SSC5D: variants seen among roughly 807,000 people sequenced by gnomAD.
SSC5D encodes soluble scavenger receptor cysteine-rich domain-containing protein SSC5D.
SSC5D carries 106 observed loss-of-function variants against 104.6 expected under a neutral mutation model. That is an observed-to-expected ratio of 1.01 (90% CI 0.87 to 1.19). The LOEUF (loss-of-function observed/expected upper bound fraction) is 1.19, where lower values mean the gene tolerates loss of function less well. SSC5D is among the 50% of genes most tolerant of loss of function. The pLI, the probability that SSC5D is intolerant of heterozygous loss-of-function variation, is 0.00. For missense variants in SSC5D, 1,993 were observed against 2,153.8 expected, an observed-to-expected ratio of 0.93 and a Z score of 1.48; for synonymous variants, 860 against 883.5, an observed-to-expected ratio of 0.97 and a Z score of 0.47.
At position 55,493,676 on chromosome 19, in the gene SSC5D, G is replaced by A. The variant is rs921554516; in HGVS notation, c.977G>A (p.Gly326Glu). Residue 326 changes from glycine (G) to glutamate (E), a missense_variant, in exon 7 of 14, where the codon GGG (glycine) becomes GAG (glutamate). Gly to Glu is a moderately conservative substitution (Grantham distance 98). This residue lies in a region of SSC5D where 1,101 missense variants were observed against 1,085.0 expected (regional missense o/e 1.01). Coordinates refer to ENST00000389623, the MANE Select transcript of SSC5D (RefSeq NM_001144950.2). Reference protein sequence around the residue: ...RLEVWHGGRWGSVCDDAWDLR... With the variant: ...RLEVWHGGRWESVCDDAWDLR... ...GAGGTCTGGCACGGGGGTCGCTGGG[G>A]GTCGGTGTGTGACGACGCCTGGGAC... The A allele has an allele frequency of 4.2e-5, 64 of 1,509,834 alleles. No individual in the cohort carries two copies. The highest frequency in any genetic ancestry group is 5.5e-5 in the Non-Finnish European group (63 of 1,135,666). The allele number at this position is 1,509,834 out of a possible 1,614,324, so 93.5% of individuals were successfully genotyped here.
chr19:55,498,440 CAACT>C (rs1282038368), intron 9 of SSC5D, among the ~76,000 whole-genome samples: 1 of 152,214 alleles, frequency 6.6e-6, no homozygotes, highest in African/African-American at 2.4e-5. Flanking sequence ...CACACAGCAA[CAACT>C]AACTGGCAGA....
chr19:55,495,164 A>G (rs1568476853), intron 8 of SSC5D, among the ~76,000 whole-genome samples: 1 of 139,386 alleles, frequency 7.2e-6, no homozygotes. Context: ...TTTACTTTCC[A>G]GAGTCTCTGG....
chr19:55,513,705 C>G (rs1987807791), intron 13 of SSC5D, among the ~76,000 whole-genome samples: 1 of 152,176 alleles, frequency 6.6e-6, no homozygotes. Flanking sequence ...TGAGAGGCTA[C>G]CCATTGGCAC....
rs1987070820 is a variant in SSC5D, at chr19:55,489,586, G to C, written c.285G>C (p.Gln95His). 3 of 1,523,586 alleles carry C rather than the reference G, an allele frequency of 2.0e-6. No homozygotes were observed. Among genetic ancestry groups the C allele is most frequent in the Non-Finnish European group, 1.8e-6 (2 of 1,140,410 alleles). The allele number at this position is 1,523,586 out of a possible 1,614,324, so 94.4% of individuals were successfully genotyped here. ...TGGCTTGCCGGGGCAACGAGGGGCA[G>C]CTGGGCCTCTGCCACCACCGGGGCT... is the stretch of plus-strand genomic sequence containing the variant. ...SELACRGNEG[Q>H]LGLCHHRGWK... Residue 95 changes from glutamine to histidine, a missense_variant, in exon 3 of 14, where the codon CAG becomes CAC. Coordinates refer to ENST00000389623, the MANE Select transcript of SSC5D (RefSeq NM_001144950.2).
At position 55,490,800 on chromosome 19, in the gene SSC5D, C is replaced by T. The variant is rs760822047; in HGVS notation, c.615C>T (p.His205=). The change falls in exon 6 of 14, where the codon CAC becomes CAT. Residue 205 remains histidine, a synonymous_variant. Coordinates refer to ENST00000389623, the MANE Select transcript of SSC5D (RefSeq NM_001144950.2). ...QERLRLVSGP[H]RCAGRLEVWH... ...GGCTGCGCCTGGTCTCTGGCCCCCA[C>T]AGGTGCGCCGGACGCCTGGAGGTCT... The T allele has an allele frequency of 3.4e-5, 52 of 1,544,158 alleles. No individual in the cohort carries two copies. In the African/African-American group the frequency reaches 4.5e-4, roughly 13 times the overall value.
At chr19:55,506,887 C>G (rs1428315484) in intron 12 of SSC5D, among the ~76,000 whole-genome samples, 4 of 151,964 alleles carry the variant, frequency 2.6e-5, no homozygotes, top group Admixed American at 2.6e-4. Context: ...AATAGGATGG[C>G]CAGGTGTGGT....
At position 55,517,439 on chromosome 19, in the gene SSC5D, G is replaced by A. The variant is rs1345595593; in HGVS notation, c.3163G>A (p.Ala1055Thr). The A allele has an allele frequency of 3.9e-6, 6 of 1,550,774 alleles. No homozygotes were observed. The African/African-American group carries it at 5.5e-5, about 14-fold the overall frequency. ...PDTSPPTPDP[A>T]SRTNPDLILT... ...CACTTCACCACCCACCCCAGACCCG[G>A]CCTCCCGGACGAACCCCGACCTCAT... The change falls in exon 14 of 14, where the codon GCC becomes ACC. Residue 1055 changes from alanine (A) to threonine (T), a missense_variant. By Grantham distance (58) the Ala-to-Thr change is moderately conservative (BLOSUM62 0). Transcript: ENST00000389623.
chr19:55,513,243 T>A, intron 13 of SSC5D, 71 bp downstream of exon 13: 1 of 1,366,272 alleles, frequency 7.3e-7, no homozygotes. Flanking sequence ...GATTCCAGAC[T>A]CCCCACTGGA....
chr19:55,502,496 C>A (rs950646829), intron 12 of SSC5D, among the ~76,000 whole-genome samples: 5 of 151,838 alleles, frequency 3.3e-5, no homozygotes, highest in Admixed American at 1.3e-4. Flanking sequence ...TCTCCCTTGT[C>A]CTTCTGTCTT....
At chr19:55,493,493 C>A in intron 6 of SSC5D, 102 bp from the exon 7 acceptor site, 1 of 1,052,340 alleles carries the variant, frequency 9.5e-7, no homozygotes, top group Non-Finnish European at 1.3e-6. Flanking sequence ...GGAATATTTG[C>A]TTCCCAGAGT....
At chr19:55,493,941 G>A (rs1987232504) in intron 7 of SSC5D, 29 bp downstream of exon 7, 1 of 1,511,044 alleles carries the variant, frequency 6.6e-7, no homozygotes, top group Non-Finnish European at 8.8e-7. Context: ...AGGACCGGGA[G>A]GTGGGCGTGG....
chr19:55,513,440 T>A (rs1187135608), intron 13 of SSC5D, among the ~76,000 whole-genome samples: 1 of 152,020 alleles, frequency 6.6e-6, no homozygotes, highest in East Asian at 1.9e-4. Context: ...ATTAGCTGGG[T>A]GTGGTGGTAC....
rs777630850 is a variant in SSC5D at position 55,500,840 on chromosome 19, G to A, written c.2617+36G>A. On this transcript the variant is annotated intron_variant, in intron 11 of 13. Coordinates refer to ENST00000389623, the MANE Select transcript of SSC5D (RefSeq NM_001144950.2). This position sits in a 1 kb window ranked among gnomAD's most constrained non-coding sequence, Gnocchi z 4.6. The stretch of plus-strand genomic sequence containing the variant: ...ATGGCGGCGGTGGTGGGGTTGTCGG[G>A]GGTGGCCAGGAGAATGGAGTCAGGG... 4.8e-5 allele frequency: 73 copies of A among 1,530,842 alleles called. No homozygotes were observed. The highest frequency in any genetic ancestry group is 6.2e-5 in the Non-Finnish European group (70 of 1,134,952). 94.8% of individuals were successfully genotyped at this position (1,530,842 alleles called of 1,614,324 possible). A position where few individuals can be genotyped will look rare whatever the true frequency, so the allele number is the denominator to read the frequency against.
chr19:55,509,850 C>CAAAAAAAAAAAAAAAAAA (rs1250937223), intron 12 of SSC5D, among the ~76,000 whole-genome samples: 5 of 75,958 alleles, frequency 6.6e-5, no homozygotes, highest in Non-Finnish European at 8.1e-5. Flanking sequence ...AACTCTGTCT[C>CAAAAAAAAAAAAAAAAAA]AAAAAAAAAA....
chr19:55,514,103 T>G (rs1363887759), intron 13 of SSC5D, among the ~76,000 whole-genome samples: 1 of 152,134 alleles, frequency 6.6e-6, no homozygotes, highest in Non-Finnish European at 1.5e-5. Context: ...CAGCAGTATT[T>G]AGTAAAGTTA....
intron 12 of SSC5D, among the ~76,000 whole-genome samples, chr19:55,510,996 C>T (rs1987744867): frequency 6.6e-6 from 1 of 151,888 alleles, no homozygotes; most frequent in Non-Finnish European, 1.5e-5. Flanking sequence ...CCAGGCTGGT[C>T]TTGAACTCCT....
chr19:55,511,045 C>G (rs1018626093), intron 12 of SSC5D, among the ~76,000 whole-genome samples: 1 of 152,168 alleles, frequency 6.6e-6, no homozygotes, highest in Non-Finnish European at 1.5e-5. Context: ...TCTCAAAGTG[C>G]TGGGATTACA....
Position 55,518,103 on chromosome 19 carries a change from A to G in SSC5D, c.3827A>G (p.His1276Arg), listed in dbSNP as rs1987923018. ...ACCATGCAGCCCACCACGATGCCTC[A>G]TCCCACCACGACCCCTCACCCCACC... is the stretch of plus-strand genomic sequence containing the variant. ...FTTMQPTTMP[H>R]PTTTPHPTTT... The change falls in exon 14 of 14, where the codon CAT (histidine) becomes CGT (arginine). Residue 1276 changes from histidine (H) to arginine (R), a missense_variant. Around this residue, in one of 6 missense-constraint regions of SSC5D, gnomAD observed 349 missense variants for 397.6 expected, o/e 0.88. Coordinates refer to ENST00000389623, the MANE Select transcript of SSC5D (RefSeq NM_001144950.2). 6.9e-7 allele frequency: 1 copy of G among 1,456,654 alleles called. No homozygotes were observed. The highest frequency in any genetic ancestry group is 9.2e-7 in the Non-Finnish European group (1 of 1,090,454). 90.2% of individuals were successfully genotyped at this position (1,456,654 alleles called of 1,614,324 possible). A position where few individuals can be genotyped will look rare whatever the true frequency, so the allele number is the denominator to read the frequency against.
chr19:55,512,574 C>T (rs986387805), intron 12 of SSC5D, among the ~76,000 whole-genome samples: 3 of 151,624 alleles, frequency 2.0e-5, no homozygotes, highest in South Asian at 2.1e-4. Context: ...CTCTGTCTCC[C>T]AGGTTCAAGT....
Sources: gnomAD v4.1 joint callset for allele counts (sites outside exome capture counted in the v4.1 genomes callset) on GRCh38, gnomAD v4.1.1 for gene constraint, gnomAD v4.1.1 regional missense constraint, Gnocchi (gnomAD v3.1) non-coding constraint, MANE v1.5 for transcripts, NCBI Gene and HGNC (gene_info 2026-07-23, HGNC 2026-07-21) for gene names.